Variants in PCDH15 observed in about 807,000 individuals in gnomAD.
The protein encoded by PCDH15 is protocadherin-15.
Under a neutral mutation model 178.5 loss-of-function variants are expected in PCDH15, and 129 were observed. The ratio of observed to expected loss-of-function variants is 0.72; its 90% CI spans 0.63 to 0.84. PCDH15 has a LOEUF of 0.84. Ranked by LOEUF, PCDH15 falls within the 40% of genes least tolerant of loss-of-function variation. The probability of loss-of-function intolerance (pLI) is 0.00; values close to 1 mark genes in which losing one functional copy is unlikely to be tolerated. For synonymous variants in PCDH15, 800 were observed against 732.0 expected (o/e 1.09, Z -1.50); for missense variants, 2,230 against 2,099.9 (o/e 1.06, Z -1.21).
intron 2 of PCDH15, among the ~76,000 whole-genome samples, chr10:54,921,849 G>T (rs1164942319): frequency 2.0e-5 from 3 of 152,142 alleles, no homozygotes; most frequent in Non-Finnish European, 2.9e-5. Context: ...CATCTCTGGG[G>T]AGGCCTCGGG....
chr10:54,251,175 C>T (rs149939421), intron 8 of PCDH15, among the ~76,000 whole-genome samples: 5,777 of 152,172 alleles, frequency 0.038, 137 homozygotes, highest in South Asian at 0.074. Flanking sequence ...CAAGTTCTAC[C>T]TAATCTTTGC....
At chr10:54,599,728 G>T (rs1211129629) in intron 2 of PCDH15, 11 of 468,226 alleles carry the variant, frequency 2.3e-5, no homozygotes, top group Non-Finnish European at 2.9e-5. Context: ...GAAAGAAGGG[G>T]AAAAGGAAGA....
At chr10:55,068,286 G>T (rs1372625949) in intron 2 of PCDH15, among the ~76,000 whole-genome samples, 1 of 151,992 alleles carries the variant, frequency 6.6e-6, no homozygotes, top group African/African-American at 2.4e-5. Flanking sequence ...TATATGATGG[G>T]AGATAGGGGT....
At chr10:54,679,168 A>C (rs1042581219) in intron 1 of PCDH15, among the ~76,000 whole-genome samples, 1 of 141,464 alleles carries the variant, frequency 7.1e-6, no homozygotes, top group Admixed American at 7.2e-5. Context: ...CCAACCTGGG[A>C]GACACAGCGA....
At chr10:54,190,003 C>T (rs1212419456) in intron 11 of PCDH15, among the ~76,000 whole-genome samples, 2 of 150,726 alleles carry the variant, frequency 1.3e-5, no homozygotes, top group African/African-American at 2.4e-5. Context: ...AAAAAGAACA[C>T]TGGTGCAAAT....
intron 8 of PCDH15, among the ~76,000 whole-genome samples, chr10:54,238,029 T>C (rs2054812544): frequency 1.3e-5 from 2 of 152,166 alleles, no homozygotes; most frequent in Admixed American, 6.5e-5. Context: ...CTAAGTTATG[T>C]AGCCCTCATC....
intron 2 of PCDH15, among the ~76,000 whole-genome samples, chr10:54,998,673 T>C (rs181559484): frequency 1.3e-5 from 2 of 152,286 alleles, no homozygotes; most frequent in Non-Finnish European, 2.9e-5. Flanking sequence ...TTTTTAATAT[T>C]GTTAAGCATG....
intron 1 of PCDH15, among the ~76,000 whole-genome samples, chr10:54,690,019 G>A (rs2095088575): frequency 1.3e-5 from 2 of 152,150 alleles, no homozygotes; most frequent in South Asian, 4.1e-4. Context: ...GCATGATCAA[G>A]AAATTGTATA....
At chr10:55,467,824 G>A (rs1012650918) in intron 2 of PCDH15, among the ~76,000 whole-genome samples, 3 of 151,490 alleles carry the variant, frequency 2.0e-5, no homozygotes, top group Admixed American at 6.6e-5. Context: ...AAAATAGCCG[G>A]AAGTGGAGGC....
intron 1 of PCDH15, among the ~76,000 whole-genome samples, chr10:54,695,813 T>C (rs919607376): frequency 6.6e-5 from 10 of 151,860 alleles, no homozygotes; most frequent in Admixed American, 2.6e-4. Context: ...ATTTACAAGA[T>C]AGATATGAAT....
intron 1 of PCDH15, among the ~76,000 whole-genome samples, chr10:54,671,375 A>C (rs2094667807): frequency 2.6e-5 from 4 of 152,304 alleles, no homozygotes; most frequent in African/African-American, 9.6e-5. Flanking sequence ...AAAATCCAAA[A>C]GTATTAAGTC....
At chr10:54,836,147 C>T (rs1044186650) in intron 3 of PCDH15, among the ~76,000 whole-genome samples, 4 of 152,066 alleles carry the variant, frequency 2.6e-5, no homozygotes, top group African/African-American at 7.2e-5. Flanking sequence ...AATGTCTAAA[C>T]GTCTGCAGAG....
At chr10:55,462,425 G>A (rs1054899407) in intron 2 of PCDH15, among the ~76,000 whole-genome samples, 3 of 152,084 alleles carry the variant, frequency 2.0e-5, no homozygotes, top group African/African-American at 7.2e-5. Context: ...ACAACTTAAA[G>A]AGAATTGGAG....
chr10:54,019,479 C>G (rs1589945178), intron 20 of PCDH15, among the ~76,000 whole-genome samples: 1 of 152,086 alleles, frequency 6.6e-6, no homozygotes, highest in East Asian at 1.9e-4. Context: ...GTAGAGAAAT[C>G]TGAAAGTTTA....
intron 11 of PCDH15, among the ~76,000 whole-genome samples, chr10:54,190,605 T>A (rs1228276256): frequency 6.6e-6 from 1 of 152,116 alleles, no homozygotes; most frequent in East Asian, 1.9e-4. Context: ...TGCATCTCCA[T>A]ATGTAGCCAA....
At chr10:54,369,096 G>T in intron 5 of PCDH15, 24 bp downstream of exon 5, 1 of 1,610,348 alleles carries the variant, frequency 6.2e-7, no homozygotes. Context: ...AGAAAGGACA[G>T]AGAGAGAGTA....
At chr10:55,493,987 A>G (rs1840478662) in intron 2 of PCDH15, among the ~76,000 whole-genome samples, 1 of 151,870 alleles carries the variant, frequency 6.6e-6, no homozygotes, top group Admixed American at 6.6e-5. Context: ...TGTATGTTAC[A>G]TCATTAGAAT....
At chr10:55,301,667 C>T (rs1345820549) in intron 1 of PCDH15, among the ~76,000 whole-genome samples, 1 of 152,170 alleles carries the variant, frequency 6.6e-6, no homozygotes, top group African/African-American at 2.4e-5. Flanking sequence ...GAACACTTTG[C>T]TTTGCTCTAT....
At chr10:54,377,545 G>A (rs558610057) in intron 4 of PCDH15, among the ~76,000 whole-genome samples, 11 of 152,192 alleles carry the variant, frequency 7.2e-5, no homozygotes, top group African/African-American at 1.9e-4. Flanking sequence ...AAAATAAGAG[G>A]CAAATTGAGA....
Sources: gnomAD v4.1 joint callset for allele counts (sites outside exome capture counted in the v4.1 genomes callset) on GRCh38, gnomAD v4.1.1 for gene constraint, MANE v1.5 for transcripts, NCBI Gene and HGNC (gene_info 2026-07-23, HGNC 2026-07-21) for gene names.